NR4A1: variants seen among roughly 807,000 people sequenced by gnomAD.
NR4A1 encodes the protein nuclear receptor subfamily 4immunitygroup A member 1.
In NR4A1, 24 loss-of-function variants were observed where a neutral mutation model predicts 47.5. The observed-to-expected ratio is 0.50, with a 90% CI of 0.37 to 0.71. NR4A1 has a LOEUF of 0.71. NR4A1 is among the 30% of genes least tolerant of loss of function. NR4A1 has a pLI of 0.00. For missense variants in NR4A1, 669 were observed against 788.6 expected (o/e 0.85, Z 1.82); for synonymous variants, 353 against 345.7 (o/e 1.02, Z -0.24).
rs1466354530 is a variant in NR4A1, at chr12:52,054,976, C to G, written c.648C>G (p.His216Gln). 3 of 1,614,116 alleles carry G rather than the reference C, an allele frequency of 1.9e-6. No homozygotes were observed. The Admixed American group carries it at 5.0e-5, about 27-fold the overall frequency. Reference protein sequence around the residue: ...PLKLFPSQATHQLGEGESYSM... With the variant: ...PLKLFPSQATQQLGEGESYSM... The stretch of plus-strand genomic sequence containing the variant: ...AGTTGTTCCCCTCACAGGCCACCCA[C>G]CAGCTGGGGGAGGGAGAGAGCTATT... Residue 216 changes from histidine (H) to glutamine (Q), a missense_variant, in exon 2 of 7, where the codon CAC (histidine) becomes CAG (glutamine). His to Gln is a conservative substitution (Grantham distance 24, BLOSUM62 0). Coordinates refer to ENST00000394825, the MANE Select transcript of NR4A1 (RefSeq NM_173157.3).
In NR4A1 at chr12:52,054,360, C is replaced by A; in HGVS notation, c.32C>A (p.Pro11Gln). Residue 11 changes from proline to glutamine, a missense_variant, in exon 2 of 7, where the codon CCA (proline) becomes CAA (glutamine). Physicochemically the swap from Pro to Gln is moderately conservative, Grantham distance 76. Transcript: ENST00000394825. Reference sequence around the variant, plus strand: ...TGTATCCAAGCCCAATATGGGACACCAGCACCGAGTCCGGGACCCCGTGAC... The same window carrying A: ...TGTATCCAAGCCCAATATGGGACACAAGCACCGAGTCCGGGACCCCGTGAC... Reference protein sequence around the residue: MPCIQAQYGTPAPSPGPRDHL... With the variant: MPCIQAQYGTQAPSPGPRDHL... The A allele has an allele frequency of 6.2e-7, 1 of 1,613,130 alleles. No homozygotes were observed. The highest frequency in any genetic ancestry group is 8.5e-7 in the Non-Finnish European group (1 of 1,179,572).
chr12:52,035,957 A>G (rs990630572), intron 1 of NR4A1, among the ~76,000 whole-genome samples: 2 of 152,134 alleles, frequency 1.3e-5, no homozygotes, highest in African/African-American at 2.4e-5. Flanking sequence ...TAGCATGCTC[A>G]TAATTTAAGG....
At chr12:52,043,954 G>A in intron 2 of NR4A1, 1 of 1,284,776 alleles carries the variant, frequency 7.8e-7, no homozygotes. Flanking sequence ...GAGCTGGGCT[G>A]TTTGGATTTT....
rs774104223 is a variant in NR4A1 at position 52,057,372 on chromosome 12, A to C, written c.1382A>C (p.Lys461Thr). The C allele has an allele frequency of 5.0e-5, 81 of 1,614,074 alleles. No homozygotes were observed. The highest frequency in any genetic ancestry group is 6.7e-5 in the Admixed American group (4 of 60,008). The change falls in exon 6 of 7, where the codon AAG (lysine) becomes ACG (threonine). Residue 461 changes from lysine to threonine, a missense_variant. Coordinates refer to ENST00000394825, the MANE Select transcript of NR4A1 (RefSeq NM_173157.3). ...LAYRSKPGEG[K>T]LIFCSGLVLH... ...GCCAGGTCTAAGCCAGGCGAGGGCAAGCTCATCTTCTGCTCAGGCCTGGTG... is the reference window on the plus strand; with the variant it reads ...GCCAGGTCTAAGCCAGGCGAGGGCACGCTCATCTTCTGCTCAGGCCTGGTG...
At chr12:52,052,268 C>CGTGTGTGTGTGT (rs60552358) in intron 1 of NR4A1, among the ~76,000 whole-genome samples, 149 of 129,984 alleles carry the variant, frequency 1.1e-3, no homozygotes, top group Middle Eastern at 7.1e-3. Flanking sequence ...GCTTGGATCA[C>CGTGTGTGTGTGT]GTGTGTGTGT....
intron 1 of NR4A1, chr12:52,038,067 C>A (rs542377311): frequency 5.1e-6 from 5 of 986,154 alleles, no homozygotes; most frequent in East Asian, 1.1e-4. Context: ...CAACGCCCCC[C>A]CTTTCTTTTT....
intron 3 of NR4A1, 35 bp from the exon 4 acceptor site, chr12:52,056,459 C>T (rs1939277053): frequency 1.2e-6 from 2 of 1,603,244 alleles, no homozygotes; most frequent in African/African-American, 2.7e-5. Context: ...TTCCTCAGAT[C>T]CCTTCCTTCC....
rs540197894 is a variant in NR4A1, at chr12:52,058,257, G to T, written c.1541-431G>T. Among the ~76,000 whole-genome samples, 5 of 152,294 alleles carry T rather than the reference G, an allele frequency of 3.3e-5. No individual in the cohort carries two copies. The South Asian group carries it at 1.0e-3, about 32-fold the overall frequency. On this transcript the variant is annotated intron_variant, in intron 6 of 6. Transcript: ENST00000394825. ...AGATTTCTCTGTTTTTTAAAGGAAA[G>T]AATCCACCCTCGTTCATTTTTTCAC...
chr12:52,043,236 G>A (rs1938503979), intron 2 of NR4A1, among the ~76,000 whole-genome samples: 2 of 152,182 alleles, frequency 1.3e-5, no homozygotes, highest in Non-Finnish European at 2.9e-5. Flanking sequence ...CTGGAGATCT[G>A]GACTTGGGAA....
At chr12:52,040,264 T>C (rs1938384563) in intron 1 of NR4A1, among the ~76,000 whole-genome samples, 1 of 152,166 alleles carries the variant, frequency 6.6e-6, no homozygotes, top group South Asian at 2.1e-4. Flanking sequence ...AGATACCTGT[T>C]TGAAGATGCT....
At chr12:52,037,903 T>A in intron 1 of NR4A1, 1 of 983,510 alleles carries the variant, frequency 1.0e-6, no homozygotes, top group Non-Finnish European at 1.2e-6. Flanking sequence ...CTCCCAGGCG[T>A]GTTTTTTTGT....
At chr12:52,032,995 C>CAA (rs1220145907) in intron 1 of NR4A1, among the ~76,000 whole-genome samples, 1 of 152,202 alleles carries the variant, frequency 6.6e-6, no homozygotes, top group Non-Finnish European at 1.5e-5. Context: ...AGCTTCGGCT[C>CAA]AATGGTTCAT....
chr12:52,026,894 C>T (rs1386577455), intron 1 of NR4A1, among the ~76,000 whole-genome samples: 1 of 152,052 alleles, frequency 6.6e-6, no homozygotes, highest in Non-Finnish European at 1.5e-5. Flanking sequence ...TTCCTCTGAG[C>T]GGGGAGGGGA....
intron 2 of NR4A1, chr12:52,055,556 C>T (rs1476125821): frequency 9.6e-6 from 5 of 522,446 alleles, no homozygotes; most frequent in South Asian, 3.1e-5. Context: ...CCCCCAGGCT[C>T]TCATGTTCCT....
At chr12:52,036,257 A>G (rs977938052) in intron 1 of NR4A1, among the ~76,000 whole-genome samples, 3 of 152,066 alleles carry the variant, frequency 2.0e-5, no homozygotes, top group African/African-American at 7.2e-5. Context: ...GAAACCTTCC[A>G]AGTGCCTGCA....
intron 1 of NR4A1, chr12:52,052,456 C>T (rs1939033607): frequency 1.0e-6 from 1 of 985,300 alleles, no homozygotes; most frequent in Non-Finnish European, 1.2e-6. Flanking sequence ...CTGATCATCC[C>T]TATGCCCCCT....
chr12:52,026,802 C>G (rs900823244), intron 1 of NR4A1, among the ~76,000 whole-genome samples: 1 of 152,044 alleles, frequency 6.6e-6, no homozygotes, highest in Non-Finnish European at 1.5e-5. Flanking sequence ...AACCACCCAC[C>G]AAACTAGGCC....
chr12:52,056,062 C>A lies in NR4A1; in HGVS notation c.909C>A (p.Cys303Ter). 6.3e-7 allele frequency: 1 copy of A among 1,587,898 alleles called. No homozygotes were observed. The change falls in exon 3 of 7, where the codon TGC becomes TGA. Residue 303 changes from cysteine to a stop codon, truncating the protein, a stop_gained. Transcript: ENST00000394825. LOFTEE classifies it high-confidence loss of function. ...RTVQKNAKYI[C>*]LANKDCPVDK... ...TGCAGAAAAACGCCAAGTACATCTG[C>A]CTGGCTAACAAGGACTGCCCTGTGG... is the stretch of plus-strand genomic sequence containing the variant.
chr12:52,023,319 C>T (rs983537094), intron 1 of NR4A1, among the ~76,000 whole-genome samples: 5 of 152,176 alleles, frequency 3.3e-5, no homozygotes, highest in African/African-American at 1.2e-4. Context: ...CCCGGGGCCG[C>T]GAGGCTGTGG....
Sources: gnomAD v4.1 joint callset for allele counts (sites outside exome capture counted in the v4.1 genomes callset) on GRCh38, gnomAD v4.1.1 for gene constraint, MANE v1.5 for transcripts, NCBI Gene and HGNC (gene_info 2026-07-23, HGNC 2026-07-21) for gene names.